The following TRPM3 variants were observed in gnomAD, a reference collection of about 807,000 sequenced individuals.
TRPM3 encodes long transient receptor potential channel 3.
TRPM3 carries 77 observed loss-of-function variants against 181.2 expected under a neutral mutation model. That is an observed-to-expected ratio of 0.42 (90% CI 0.35 to 0.51). The LOEUF is 0.51. Ranked by LOEUF, TRPM3 falls within the 20% of genes least tolerant of loss-of-function variation. TRPM3 has a pLI of 0.01. For synonymous variants in TRPM3, 745 were observed against 796.4 expected, an observed-to-expected ratio of 0.94 and a Z score of 1.09; for missense variants, 1,759 against 2,196.7, an observed-to-expected ratio of 0.80 and a Z score of 3.98.
chr9:71,043,596 C>T (rs1294721449), intron 1 of TRPM3, among the ~76,000 whole-genome samples: 1 of 152,156 alleles, frequency 6.6e-6, no homozygotes, highest in Non-Finnish European at 1.5e-5. Context: ...TCATGTATTC[C>T]TATATCCTCC....
At chr9:70,840,119 A>G (rs2094548072) in intron 5 of TRPM3, among the ~76,000 whole-genome samples, 1 of 152,220 alleles carries the variant, frequency 6.6e-6, no homozygotes, top group African/African-American at 2.4e-5. Flanking sequence ...AATAGTGAAC[A>G]CATAGAAAAA....
chr9:71,152,570 T>C (rs989908743), intron 1 of TRPM3, among the ~76,000 whole-genome samples: 1 of 152,138 alleles, frequency 6.6e-6, no homozygotes, highest in East Asian at 1.9e-4. Flanking sequence ...TTTCAACTTT[T>C]TATATTTCAA....
chr9:71,081,279 C>A (rs115059819), intron 1 of TRPM3, among the ~76,000 whole-genome samples: 1 of 152,104 alleles, frequency 6.6e-6, no homozygotes, highest in African/African-American at 2.4e-5. Flanking sequence ...AATCTGTGGA[C>A]CTAATTAGGA....
intron 1 of TRPM3, among the ~76,000 whole-genome samples, chr9:71,390,776 T>C (rs1238544531): frequency 1.3e-5 from 2 of 152,004 alleles, no homozygotes; most frequent in African/African-American, 2.4e-5. Context: ...ACTGTACTAG[T>C]AAAGGTGTAC....
intron 1 of TRPM3, among the ~76,000 whole-genome samples, chr9:70,898,747 C>CAAAAAAAAAA (rs34952516): frequency 3.3e-4 from 31 of 93,162 alleles, no homozygotes; most frequent in East Asian, 6.6e-4. Flanking sequence ...GACTTCATCT[C>CAAAAAAAAAA]AAAAAAAAAA....
chr9:70,865,743 C>T (rs1016966234), intron 1 of TRPM3, among the ~76,000 whole-genome samples: 1 of 152,004 alleles, frequency 6.6e-6, no homozygotes, highest in African/African-American at 2.4e-5. Context: ...GCCTAATACT[C>T]GTGACAGTGC....
In TRPM3 at chr9:71,351,870, G is replaced by GTTTTTTTTTTTTTTTTT. The variant is rs1398031517; in HGVS notation, c.183+94782_183+94783insAAAAAAAAAAAAAAAAA. Among the ~76,000 whole-genome samples the GTTTTTTTTTTTTTTTTT allele has an allele frequency of 2.1e-5, 2 of 95,660 alleles. 1 individual carries two copies. Among genetic ancestry groups the GTTTTTTTTTTTTTTTTT allele is most frequent in the Non-Finnish European group, 4.3e-5 (2 of 46,778 alleles). The allele number at this position is 95,660 out of a possible 152,430, so 62.8% of individuals were successfully genotyped here. ...ATGGGAAGTTTTTGTTTGTTTGTTT[G>GTTTTTTTTTTTTTTTTT]TTTTTGTTTTTTTTTTTTTTTTTGA... On this transcript the variant is annotated intron_variant, in intron 1 of 24. Coordinates refer to the TRPM3 transcript ENST00000357533.
At chr9:70,596,841 G>T (rs151050798) in intron 21 of TRPM3, among the ~76,000 whole-genome samples, 1 of 152,092 alleles carries the variant, frequency 6.6e-6, no homozygotes, top group African/African-American at 2.4e-5. Flanking sequence ...ATACCTCACC[G>T]CAGTCTTGAA....
intron 8 of TRPM3, among the ~76,000 whole-genome samples, chr9:70,759,880 G>A (rs2077772363): frequency 6.6e-6 from 1 of 152,112 alleles, no homozygotes; most frequent in South Asian, 2.1e-4. Flanking sequence ...AATATCTAAT[G>A]TAGATGATGG....
At chr9:70,886,955 G>A (rs1225105568) in intron 1 of TRPM3, among the ~76,000 whole-genome samples, 2 of 152,154 alleles carry the variant, frequency 1.3e-5, no homozygotes, top group Non-Finnish European at 2.9e-5. Flanking sequence ...GTGAACCACC[G>A]TGCCCGGAGA....
At chr9:71,126,406 A>G (rs561855925), upstream of TRPM3, among the ~76,000 whole-genome samples, 2 of 152,262 alleles carry the variant, frequency 1.3e-5, no homozygotes, top group African/African-American at 4.8e-5. Context: ...TTTTTGTCAA[A>G]AAACATACTT....
Position 70,784,114 on chromosome 9 carries a change from T to G in TRPM3, c.1139A>C (p.Glu380Ala), listed in dbSNP as rs1201123577. 3 of 1,613,056 alleles carry G rather than the reference T, an allele frequency of 1.9e-6. No individual in the cohort carries two copies. The highest frequency in any genetic ancestry group is 2.5e-6 in the Non-Finnish European group (3 of 1,179,516). The change falls in exon 7 of 26, where the codon GAA (glutamate) becomes GCA (alanine). Residue 380 changes from glutamate (E) to alanine (A), a missense_variant. Glu to Ala is a moderately radical substitution (Grantham distance 107). Coordinates refer to ENST00000677713, the MANE Select transcript of TRPM3 (RefSeq NM_001366145.2). ...CTGGAAAGTTACCTACCCGCCTTCT[T>G]CTGAGTATTTATGCCCAAAGGCCAG... ...DILAFGHKYS[E>A]EGGLINESLR...
chr9:70,545,548 C>CTTTTTTTTTTTT lies in TRPM3; in HGVS notation c.3707+3982_3707+3993dup, dbSNP rs5898150. Among the ~76,000 whole-genome samples, 49 of 113,330 alleles carry CTTTTTTTTTTTT rather than the reference C, an allele frequency of 4.3e-4. 3 individuals carry two copies. Among genetic ancestry groups the CTTTTTTTTTTTT allele is most frequent in the Non-Finnish European group, 5.2e-4 (30 of 57,562 alleles). 74.3% of individuals were successfully genotyped at this position (113,330 alleles called of 152,430 possible). The stretch of plus-strand genomic sequence containing the variant: ...AGAGAAAAGAATTTTAATTTTCTTT[C>CTTTTTTTTTTTT]TTTTTTTTTTTTTTTTGAAGTGGAG... On this transcript the variant is annotated intron_variant, in intron 25 of 25. Transcript: ENST00000677713.
At chr9:71,274,126 G>T (rs1288254771) in intron 1 of TRPM3, among the ~76,000 whole-genome samples, 1 of 152,098 alleles carries the variant, frequency 6.6e-6, no homozygotes, top group East Asian at 1.9e-4. Context: ...CATGCTCCAG[G>T]CTGCTCAAAG....
rs565360015 is a variant in TRPM3, at chr9:71,141,683, T to C, written c.184-277172A>G. 4.6e-5 allele frequency among the ~76,000 whole-genome samples: 7 copies of C among 152,320 alleles called. No homozygotes were observed. The South Asian group carries it at 8.3e-4, about 18-fold the overall frequency. On this transcript the variant is annotated intron_variant, in intron 1 of 24. Transcript: ENST00000357533. ...AGTGTTTGAAGCAGATCTCTGAGGC[T>C]TGAATGACGGGATTAATATTATCAC...
At chr9:71,201,664 A>G (rs772950813) in intron 1 of TRPM3, among the ~76,000 whole-genome samples, 7 of 152,136 alleles carry the variant, frequency 4.6e-5, no homozygotes, top group Non-Finnish European at 8.8e-5. Flanking sequence ...AGTTGATCGC[A>G]TCGGCTCCTG....
chr9:71,252,082 T>C (rs964995899), intron 1 of TRPM3, among the ~76,000 whole-genome samples: 2 of 152,246 alleles, frequency 1.3e-5, no homozygotes, highest in Non-Finnish European at 2.9e-5. Flanking sequence ...TATTCATTCA[T>C]GTGTTGATGG....
chr9:70,767,965 C>T (rs919622889), intron 7 of TRPM3, among the ~76,000 whole-genome samples: 5 of 152,054 alleles, frequency 3.3e-5, no homozygotes, highest in Non-Finnish European at 5.9e-5. Flanking sequence ...TAAAAGTAGC[C>T]CAGAATCAAG....
At chr9:70,627,941 T>G (rs1272971956) in intron 12 of TRPM3, among the ~76,000 whole-genome samples, 1 of 152,178 alleles carries the variant, frequency 6.6e-6, no homozygotes, top group Non-Finnish European at 1.5e-5. Context: ...AAAGACCAAT[T>G]GTCTGACTTC....
Sources: gnomAD v4.1 joint callset for allele counts (sites outside exome capture counted in the v4.1 genomes callset) on GRCh38, gnomAD v4.1.1 for gene constraint, MANE v1.5 for transcripts, NCBI Gene and HGNC (gene_info 2026-07-23, HGNC 2026-07-21) for gene names.